The following RGS7 variants were observed in gnomAD, a reference collection of about 807,000 sequenced individuals.
RGS7 encodes the protein regulator of G-protein signaling 7.
RGS7 carries 27 observed loss-of-function variants against 81.1 expected under a neutral mutation model. That is an observed-to-expected ratio of 0.33 (90% CI 0.25 to 0.46). The LOEUF (loss-of-function observed/expected upper bound fraction) is 0.46, where lower values mean the gene tolerates loss of function less well. RGS7 is among the 20% of genes least tolerant of loss of function. The pLI is 1.00. For missense variants in RGS7, 396 were observed against 607.4 expected, an observed-to-expected ratio of 0.65 and a Z score of 3.66; for synonymous variants, 208 against 207.7, an observed-to-expected ratio of 1.00 and a Z score of -0.01.
intron 2 of RGS7, among the ~76,000 whole-genome samples, chr1:241,355,314 G>T (rs2083491248): frequency 2.6e-5 from 4 of 152,172 alleles, no homozygotes; most frequent in African/African-American, 9.7e-5. Context: ...TTTCTAAAAT[G>T]TGATATGCTT....
intron 3 of RGS7, among the ~76,000 whole-genome samples, chr1:241,028,650 G>A (rs2059912103): frequency 6.6e-6 from 1 of 152,304 alleles, no homozygotes; most frequent in African/African-American, 2.4e-5. Flanking sequence ...TGCAGGCAGA[G>A]CAATGGAGAT....
chr1:241,070,310 G>T (rs1207089691), intron 3 of RGS7, among the ~76,000 whole-genome samples: 2 of 126,588 alleles, frequency 1.6e-5, no homozygotes, highest in African/African-American at 5.9e-5. Context: ...ATTCTCCACA[G>T]CTGAGGAGAA....
intron 7 of RGS7, among the ~76,000 whole-genome samples, chr1:240,869,351 G>A (rs1376064753): frequency 2.6e-5 from 4 of 152,114 alleles, no homozygotes; most frequent in Non-Finnish European, 2.9e-5. Flanking sequence ...AATGACAGCA[G>A]ATGACTTTTA....
chr1:241,007,286 G>T (rs949316896), intron 3 of RGS7, among the ~76,000 whole-genome samples: 1 of 151,966 alleles, frequency 6.6e-6, no homozygotes, highest in African/African-American at 2.4e-5. Context: ...ACACATTATC[G>T]TAAGAACACA....
At chr1:241,003,649 CA>C (rs2058535815) in intron 3 of RGS7, among the ~76,000 whole-genome samples, 1 of 152,060 alleles carries the variant, frequency 6.6e-6, no homozygotes, top group Non-Finnish European at 1.5e-5. Flanking sequence ...CTAATTACTG[CA>C]AAAAAGCATC....
chr1:240,843,782 G>C (rs908328874), intron 9 of RGS7, among the ~76,000 whole-genome samples: 3 of 152,170 alleles, frequency 2.0e-5, no homozygotes, highest in Non-Finnish European at 4.4e-5. Context: ...TCTCAGGAAA[G>C]AGAAAATTCA....
chr1:240,883,429 T>C (rs1047342301), intron 6 of RGS7, among the ~76,000 whole-genome samples: 11 of 152,230 alleles, frequency 7.2e-5, no homozygotes, highest in Non-Finnish European at 1.3e-4. Context: ...TGGCAACTTG[T>C]AGTTCCTTAA....
intron 2 of RGS7, among the ~76,000 whole-genome samples, chr1:241,288,533 C>T (rs1274424712): frequency 6.6e-6 from 1 of 152,056 alleles, no homozygotes; most frequent in Admixed American, 6.6e-5. Flanking sequence ...AAGTACGGGG[C>T]GCTGTTACTA....
intron 3 of RGS7, among the ~76,000 whole-genome samples, chr1:241,074,713 G>A (rs1287241311): frequency 2.0e-5 from 3 of 152,192 alleles, no homozygotes; most frequent in African/African-American, 7.2e-5. Flanking sequence ...TCACTCCAGA[G>A]GACTGGGTTG....
At chr1:241,258,305 C>T (rs548148365) in intron 2 of RGS7, among the ~76,000 whole-genome samples, 29 of 152,014 alleles carry the variant, frequency 1.9e-4, no homozygotes, top group Middle Eastern at 6.8e-3. Flanking sequence ...TGACATGGGA[C>T]GTGAATGGGA....
intron 2 of RGS7, among the ~76,000 whole-genome samples, chr1:241,157,821 CTTT>C (rs67249227): frequency 3.2e-5 from 3 of 94,702 alleles, no homozygotes; most frequent in Non-Finnish European, 6.8e-5. Flanking sequence ...CTTTTCTTTT[CTTT>C]TTTTTTTTTT....
At chr1:241,292,452 G>A (rs2079143361) in intron 2 of RGS7, among the ~76,000 whole-genome samples, 1 of 152,180 alleles carries the variant, frequency 6.6e-6, no homozygotes. Context: ...ACAAGCAATA[G>A]GGCGGCTTGT....
chr1:241,111,245 A>T (rs2065492059), intron 2 of RGS7, among the ~76,000 whole-genome samples: 1 of 152,218 alleles, frequency 6.6e-6, no homozygotes, highest in African/African-American at 2.4e-5. Context: ...TTGAATTCAT[A>T]TCTAGTTCCT....
intron 4 of RGS7, among the ~76,000 whole-genome samples, chr1:240,960,546 C>CT (rs5782170): frequency 0.043 from 4,901 of 113,646 alleles, 137 homozygotes; most frequent in African/African-American, 0.072. Context: ...CTGGGCTGTT[C>CT]TTTTTTTTTT....
chr1:241,055,706 G>A (rs558090536), intron 3 of RGS7, among the ~76,000 whole-genome samples: 26 of 152,242 alleles, frequency 1.7e-4, no homozygotes, highest in Non-Finnish European at 3.7e-4. Flanking sequence ...TTTTTATGGA[G>A]GCATCATTAC....
At chr1:240,804,473 G>A (rs1648431930) in intron 15 of RGS7, among the ~76,000 whole-genome samples, 1 of 150,904 alleles carries the variant, frequency 6.6e-6, no homozygotes, top group Non-Finnish European at 1.5e-5. Context: ...AAAAAAACTA[G>A]AATTAAATAT....
chr1:241,165,667 T>G (rs1483546320), intron 2 of RGS7, among the ~76,000 whole-genome samples: 3 of 150,176 alleles, frequency 2.0e-5, no homozygotes, highest in Non-Finnish European at 4.4e-5. Flanking sequence ...CATTGGGAGA[T>G]ATACCTAATG....
intron 3 of RGS7, among the ~76,000 whole-genome samples, chr1:241,056,840 A>G (rs2061499320): frequency 6.6e-6 from 1 of 152,234 alleles, no homozygotes; most frequent in Non-Finnish European, 1.5e-5. Context: ...GGCAACCATT[A>G]TTAAAATTGC....
At chr1:240,831,294 C>G (rs923885193) in intron 9 of RGS7, among the ~76,000 whole-genome samples, 13 of 152,182 alleles carry the variant, frequency 8.5e-5, no homozygotes, top group Middle Eastern at 6.8e-3. Context: ...CTTAGAGGCC[C>G]AAAGTTGCCT....
Sources: allele counts gnomAD v4.1 joint callset (sites outside exome capture counted in the v4.1 genomes callset), GRCh38; gene constraint gnomAD v4.1.1; transcripts MANE v1.5; gene names NCBI Gene and HGNC (gene_info 2026-07-23, HGNC 2026-07-21).